PSD3: variants seen among roughly 807,000 people sequenced by gnomAD.
PSD3 encodes pleckstrin and Sec7 domain containing 3.
Under a neutral mutation model 105.5 loss-of-function variants are expected in PSD3, and 49 were observed. The ratio of observed to expected loss-of-function variants is 0.46; its 90% CI spans 0.37 to 0.59. PSD3 has a LOEUF of 0.59. PSD3 is among the 20% of genes least tolerant of loss of function. The probability of loss-of-function intolerance (pLI) is 0.00; values close to 1 mark genes in which losing one functional copy is unlikely to be tolerated. For synonymous variants in PSD3, 557 were observed against 457.8 expected (o/e 1.22, Z -2.77); for missense variants, 1,561 against 1,263.8 (o/e 1.24, Z -3.57).
At chr8:18,707,610 G>A (rs1347683562) in intron 9 of PSD3, among the ~76,000 whole-genome samples, 2 of 152,150 alleles carry the variant, frequency 1.3e-5, no homozygotes, top group Non-Finnish European at 2.9e-5. Flanking sequence ...TTCCAGATGA[G>A]ACAGCAAAGC....
chr8:18,865,223 GTTATATATATATATATATAT>G (rs1816735513), intron 4 of PSD3: 1 of 74,230 alleles, frequency 1.3e-5, no homozygotes, highest in Non-Finnish European at 2.7e-5. Context: ...CAGATTCTAT[GTTATATATATATATATATAT>G]ATATATATAT....
chr8:18,719,604 C>T (rs1802822334), intron 9 of PSD3, among the ~76,000 whole-genome samples: 1 of 152,082 alleles, frequency 6.6e-6, no homozygotes, highest in African/African-American at 2.4e-5. Flanking sequence ...TAGCTGAGCC[C>T]CTTGTTCAAC....
chr8:19,050,594 C>A (rs1167289794), intron 1 of PSD3, among the ~76,000 whole-genome samples: 1 of 152,028 alleles, frequency 6.6e-6, no homozygotes, highest in African/African-American at 2.4e-5. Context: ...GAACAAAAAA[C>A]CAAACACCGC....
intron 15 of PSD3, among the ~76,000 whole-genome samples, chr8:18,540,949 T>C (rs1347794700): frequency 2.0e-5 from 3 of 152,044 alleles, no homozygotes; most frequent in Non-Finnish European, 4.4e-5. Context: ...CCTGTGGAAC[T>C]TGCTATTCTC....
chr8:18,939,695 T>C (rs1167671966), intron 1 of PSD3, among the ~76,000 whole-genome samples: 1 of 152,140 alleles, frequency 6.6e-6, no homozygotes, highest in Non-Finnish European at 1.5e-5. Flanking sequence ...TCTATCTACA[T>C]TATTGTATGC....
At chr8:18,680,360 C>G (rs532294136) in intron 9 of PSD3, among the ~76,000 whole-genome samples, 1 of 152,244 alleles carries the variant, frequency 6.6e-6, no homozygotes, top group East Asian at 1.9e-4. Context: ...AATTAGAAAT[C>G]AATTAGAATC....
intron 15 of PSD3, among the ~76,000 whole-genome samples, chr8:18,555,310 C>G (rs757298281): frequency 2.0e-5 from 3 of 151,734 alleles, no homozygotes; most frequent in South Asian, 2.1e-4. Flanking sequence ...AAATTTCAAG[C>G]CTGAGGAGGA....
chr8:18,761,503 A>G (rs567215177), intron 9 of PSD3, among the ~76,000 whole-genome samples: 21 of 152,210 alleles, frequency 1.4e-4, no homozygotes, highest in Non-Finnish European at 2.1e-4. Context: ...ATTGAAATAC[A>G]CTATTTACTT....
rs553572607 is a variant in PSD3, at chr8:19,048,205, T to C, written c.324+36001A>G. 1.3e-3 allele frequency among the ~76,000 whole-genome samples: 191 copies of C among 152,226 alleles called. 1 individual carries two copies. Among genetic ancestry groups the C allele is most frequent in the Non-Finnish European group, 2.3e-3 (158 of 68,008 alleles). On this transcript the variant is annotated intron_variant, in intron 1 of 1. Transcript: ENST00000521475. ...TAAATCTGAATGCCAGGGAGCCTGG[T>C]AGGACAATGGAACTAACCTCTTTGG...
chr8:18,918,704 T>G (rs1048699283), intron 2 of PSD3, among the ~76,000 whole-genome samples: 3 of 152,090 alleles, frequency 2.0e-5, no homozygotes, highest in African/African-American at 7.3e-5. Context: ...ATTCAGAAAA[T>G]GTGAATAATG....
At chr8:18,815,694 G>C (rs1029547622) in intron 4 of PSD3, among the ~76,000 whole-genome samples, 1 of 152,164 alleles carries the variant, frequency 6.6e-6, no homozygotes, top group Non-Finnish European at 1.5e-5. Flanking sequence ...GTTTGGAACT[G>C]CGTATCTGTT....
chr8:18,629,278 A>C (rs1806723497), intron 11 of PSD3, among the ~76,000 whole-genome samples: 1 of 152,030 alleles, frequency 6.6e-6, no homozygotes, highest in Admixed American at 6.6e-5. Flanking sequence ...AATGATATAG[A>C]AACTTTAGAA....
chr8:18,536,285 C>G (rs1269480801), intron 15 of PSD3, among the ~76,000 whole-genome samples: 1 of 152,186 alleles, frequency 6.6e-6, no homozygotes, highest in Non-Finnish European at 1.5e-5. Context: ...GTTGGAGGAG[C>G]TGTCACCTCT....
chr8:19,002,055 G>A (rs770706478), intron 1 of PSD3: 1 of 153,594 alleles, frequency 6.5e-6, no homozygotes, highest in Non-Finnish European at 1.4e-5. Flanking sequence ...CTAGCAGCTT[G>A]GTGCAAACAT....
chr8:19,049,674 G>C (rs1369390132), intron 1 of PSD3, among the ~76,000 whole-genome samples: 2 of 109,074 alleles, frequency 1.8e-5, no homozygotes, highest in African/African-American at 7.2e-5. Context: ...CTGGGTGACA[G>C]ACTAAGACCC....
chr8:18,814,249 G>A (rs1812011368), intron 4 of PSD3, among the ~76,000 whole-genome samples: 1 of 152,118 alleles, frequency 6.6e-6, no homozygotes, highest in Non-Finnish European at 1.5e-5. Flanking sequence ...TCTGCCCCCA[G>A]CCCCACCCGC....
chr8:18,757,326 T>A lies in PSD3; in HGVS notation c.2172+8123A>T, dbSNP rs1037878404. On this transcript the variant is annotated intron_variant, in intron 9 of 15. Transcript: ENST00000327040. ...AAAAAAAAAAAAAATTAGCTGGGCG[T>A]GGTGGTGGATGCCTGTAATCCCAGC... Among the ~76,000 whole-genome samples the A allele has an allele frequency of 1.3e-4, 20 of 148,230 alleles. No homozygotes were observed. In the East Asian group the frequency reaches 3.7e-3, roughly 28 times the overall value.
At chr8:18,582,631 T>C (rs1585300331) in intron 12 of PSD3, among the ~76,000 whole-genome samples, 3 of 152,208 alleles carry the variant, frequency 2.0e-5, no homozygotes, top group Admixed American at 2.0e-4. Flanking sequence ...GTATGCATAA[T>C]TGCTTACTGG....
At chr8:18,787,424 T>C (rs889515169) in intron 8 of PSD3, among the ~76,000 whole-genome samples, 5 of 152,144 alleles carry the variant, frequency 3.3e-5, no homozygotes, top group African/African-American at 7.2e-5. Context: ...CTCTGGATCA[T>C]TACCTTTAAA....
Sources: allele counts gnomAD v4.1 joint callset (sites outside exome capture counted in the v4.1 genomes callset), GRCh38; gene constraint gnomAD v4.1.1; transcripts MANE v1.5; gene names NCBI Gene and HGNC (gene_info 2026-07-23, HGNC 2026-07-21).